The following SLC25A41 variants were observed in gnomAD, a reference collection of about 807,000 sequenced individuals.
SLC25A41 encodes mitochondrial carrier protein SCaMC-3L.
In SLC25A41, 35 loss-of-function variants were observed where a neutral mutation model predicts 34.7. That is an observed-to-expected ratio of 1.01 (90% CI 0.77 to 1.34). SLC25A41 has a LOEUF of 1.34. SLC25A41 is among the 40% of genes most tolerant of loss of function. SLC25A41 has a pLI of 0.00. For missense variants in SLC25A41, 492 were observed against 489.8 expected (o/e 1.00, Z -0.04); for synonymous variants, 190 against 209.9 (o/e 0.91, Z 0.82).
In SLC25A41 at chr19:6,429,164, AAT is replaced by A. The variant is rs1216531046; in HGVS notation, c.624+558_624+559del. Among the ~76,000 whole-genome samples, 11 of 5,526 alleles carry A rather than the reference AAT, an allele frequency of 2.0e-3. 2 individuals carry two copies. Among genetic ancestry groups the A allele is most frequent in the African/African-American group, 2.6e-3 (4 of 1,568 alleles). 3.6% of individuals were successfully genotyped at this position (5,526 alleles called of 152,430 possible). On this transcript the variant is annotated intron_variant, in intron 4 of 6. Transcript: ENST00000321510. The stretch of plus-strand genomic sequence containing the variant: ...TATATAATATATATATTATATATAT[AAT>A]ATATATATAATATATATATGTTATA...
intron 2 of SLC25A41, 47 bp downstream of exon 2, chr19:6,432,002 C>T: frequency 6.3e-7 from 1 of 1,576,006 alleles, no homozygotes; most frequent in South Asian, 1.2e-5. Context: ...ACGTTCTCCC[C>T]AGTGGCTCCA....
upstream of SLC25A41, among the ~76,000 whole-genome samples, chr19:6,434,660 G>A (rs112384049): frequency 7.8e-3 from 1,182 of 152,302 alleles, 16 homozygotes; most frequent in African/African-American, 0.027. Flanking sequence ...TGTAATCCCA[G>A]CACTTTGGGA....
intron 4 of SLC25A41, 77 bp downstream of exon 4, chr19:6,429,647 A>G (rs1250297199): frequency 1.9e-6 from 2 of 1,026,982 alleles, no homozygotes; most frequent in East Asian, 5.4e-5. Context: ...AGAAAGGAGG[A>G]AGAGGAAGTA....
At position 6,427,862 on chromosome 19, in the gene SLC25A41, A is replaced by T. The variant is rs1021990096; in HGVS notation, c.625-361T>A. Among the ~76,000 whole-genome samples the T allele has an allele frequency of 1.3e-5, 2 of 152,144 alleles. No individual in the cohort carries two copies. The highest frequency in any genetic ancestry group is 4.8e-5 in the African/African-American group (2 of 41,424). ...AAATAAAAATAAGATGTATATGGAA[A>T]CATCAACATGGGAGAACAGCCTGGA... On this transcript the variant is annotated intron_variant, in intron 4 of 6. Coordinates refer to ENST00000321510, the MANE Select transcript of SLC25A41 (RefSeq NM_173637.4). The surrounding 1 kb of genome is among the most constrained non-coding windows in gnomAD (Gnocchi z 4.9).
Position 6,432,205 on chromosome 19 carries a change from C to T in SLC25A41, c.208-1G>A, listed in dbSNP as rs1274612751. 10 of 1,612,780 alleles carry T rather than the reference C, an allele frequency of 6.2e-6. No homozygotes were observed. Among genetic ancestry groups the T allele is most frequent in the Non-Finnish European group, 7.6e-6 (9 of 1,179,270 alleles). On this transcript the variant is annotated splice_acceptor_variant, in intron 1 of 6. Coordinates refer to ENST00000321510, the MANE Select transcript of SLC25A41 (RefSeq NM_173637.4). LOFTEE classifies it high-confidence loss of function. ...TCAGCTGCTCTCCTGTGTCCAGTAC[C>T]TGCAGGGCAGACCCGGCCCTCCCTC...
In SLC25A41 at chr19:6,426,258, CCCCAG is replaced by C. The variant is rs1397853427; in HGVS notation, c.*126_*130del. On this transcript the variant is annotated 3_prime_UTR_variant, in exon 7 of 7. Coordinates refer to ENST00000321510, the MANE Select transcript of SLC25A41 (RefSeq NM_173637.4). ...TTCTGACCCAGAGCCCCACCCCCAC[CCCCAG>C]CCTGCTTTTGCCACCAAAAACTGCC... 1.5e-6 allele frequency: 1 copy of C among 672,502 alleles called. No homozygotes were observed. The highest frequency in any genetic ancestry group is 2.2e-6 in the Non-Finnish European group (1 of 464,386). The allele number at this position is 672,502 out of a possible 1,614,324, so 41.7% of individuals were successfully genotyped here.
At chr19:6,429,050 T>G (rs1175882594) in intron 4 of SLC25A41, among the ~76,000 whole-genome samples, 6 of 35,210 alleles carry the variant, frequency 1.7e-4, no homozygotes, top group East Asian at 9.1e-4. Context: ...ATATATATAT[T>G]ATATATATGT....
At chr19:6,429,284 T>C (rs1471292180) in intron 4 of SLC25A41, among the ~76,000 whole-genome samples, 1 of 107,712 alleles carries the variant, frequency 9.3e-6, no homozygotes, top group Non-Finnish European at 1.9e-5. Flanking sequence ...TATATTCATA[T>C]ATAAATTTAT....
At chr19:6,433,981 T>C (rs929730706), upstream of SLC25A41, among the ~76,000 whole-genome samples, 1 of 152,168 alleles carries the variant, frequency 6.6e-6, no homozygotes, top group African/African-American at 2.4e-5. Flanking sequence ...TCTCGCTCAG[T>C]CTCCCAGGCT....
chr19:6,427,579 C>G lies in SLC25A41; in HGVS notation c.625-78G>C. 7.2e-7 allele frequency: 1 copy of G among 1,392,220 alleles called. No homozygotes were observed. Among genetic ancestry groups the G allele is most frequent in the Non-Finnish European group, 9.4e-7 (1 of 1,063,086 alleles). The allele number at this position is 1,392,220 out of a possible 1,614,324, so 86.2% of individuals were successfully genotyped here. On this transcript the variant is annotated intron_variant, in intron 4 of 6. Coordinates refer to ENST00000321510, the MANE Select transcript of SLC25A41 (RefSeq NM_173637.4). The surrounding 1 kb of genome is among the most constrained non-coding windows in gnomAD (Gnocchi z 4.9). The stretch of plus-strand genomic sequence containing the variant: ...CCTCGGGGTAGCCATTGTCCCCACC[C>G]TACAAACAAGGAAAATGAGGCTCAG...
chr19:6,434,337 A>C (rs1186926587), upstream of SLC25A41, among the ~76,000 whole-genome samples: 1 of 152,170 alleles, frequency 6.6e-6, no homozygotes, highest in Non-Finnish European at 1.5e-5. Context: ...ACTCATGAGG[A>C]TGGCCCCTGC....
At chr19:6,430,651 CTTAT>C in intron 2 of SLC25A41, 1 of 256,974 alleles carries the variant, frequency 3.9e-6, no homozygotes, top group Non-Finnish European at 7.9e-6. Flanking sequence ...CCACGCCTGG[CTTAT>C]TTTTGTATTT....
intron 2 of SLC25A41, 81 bp from the exon 3 acceptor site, chr19:6,430,242 G>A (rs1365282038): frequency 8.9e-6 from 13 of 1,455,210 alleles, no homozygotes; most frequent in South Asian, 5.7e-5. Context: ...CAGCCCCACC[G>A]GGACCTCCCA....
chr19:6,427,859 G>T lies in SLC25A41; in HGVS notation c.625-358C>A, dbSNP rs2092251282. ...ATAAAATAAAAATAAGATGTATATG[G>T]AAACATCAACATGGGAGAACAGCCT... is the stretch of plus-strand genomic sequence containing the variant. On this transcript the variant is annotated intron_variant, in intron 4 of 6. Transcript: ENST00000321510. The surrounding 1 kb of genome is among the most constrained non-coding windows in gnomAD (Gnocchi z 4.9). Among the ~76,000 whole-genome samples, 1 of 152,036 alleles carries T rather than the reference G, an allele frequency of 6.6e-6. No individual in the cohort carries two copies. The highest frequency in any genetic ancestry group is 2.4e-5 in the African/African-American group (1 of 41,400).
Position 6,429,890 on chromosome 19 carries a change from C to T in SLC25A41, c.517-59G>A, listed in dbSNP as rs954484616. 70 of 1,593,968 alleles carry T rather than the reference C, an allele frequency of 4.4e-5. No individual in the cohort carries two copies. In the African/African-American group the frequency reaches 6.0e-4, roughly 14 times the overall value. On this transcript the variant is annotated intron_variant, in intron 3 of 6. Transcript: ENST00000321510. ...CAGCCACCCTCCGACACAAAACCCG[C>T]GCAGGGAAGAGGCCTGGGGTCTGGA...
At chr19:6,426,690 G>C in intron 6 of SLC25A41, 129 bp from the exon 7 acceptor site, 2 of 910,026 alleles carry the variant, frequency 2.2e-6, no homozygotes, top group South Asian at 3.2e-5. Context: ...ACAGTTTGAA[G>C]AGTCTTAGAG....
At chr19:6,429,039 A>ATATGTTATATATATATAAT (rs1427334348) in intron 4 of SLC25A41, among the ~76,000 whole-genome samples, 1 of 26,998 alleles carries the variant, frequency 3.7e-5, no homozygotes. Flanking sequence ...ATATATATAT[A>ATATGTTATATATATATAAT]ATATATATAT....
chr19:6,429,024 TATATATATATATATA>T (rs143546300), intron 4 of SLC25A41, among the ~76,000 whole-genome samples: 3,271 of 24,564 alleles, frequency 0.13, 336 homozygotes, highest in East Asian at 0.22. Context: ...CCTGAAAATT[TATATATATATATATA>T]ATATATATAT....
At chr19:6,433,434 C>T (rs1455366563) in intron 1 of SLC25A41, 53 bp downstream of exon 1, 4 of 1,570,508 alleles carry the variant, frequency 2.5e-6, no homozygotes, top group Non-Finnish European at 3.5e-6. Context: ...AGCCTGGCCT[C>T]TCCCTGTAGT....
Sources: gnomAD v4.1 joint callset for allele counts (sites outside exome capture counted in the v4.1 genomes callset) on GRCh38, gnomAD v4.1.1 for gene constraint, Gnocchi (gnomAD v3.1) non-coding constraint, MANE v1.5 for transcripts, NCBI Gene and HGNC (gene_info 2026-07-23, HGNC 2026-07-21) for gene names.